Variants in LRP1 observed in about 807,000 individuals in gnomAD.
The protein encoded by LRP1 is prolow-density lipoprotein receptor-related protein 1.
In LRP1, 51 loss-of-function variants were observed where a neutral mutation model predicts 541.5. That is an observed-to-expected ratio of 0.09 (90% CI 0.08 to 0.12). The LOEUF (loss-of-function observed/expected upper bound fraction) is 0.12, where lower values mean the gene tolerates loss of function less well. Among genes scored for constraint, LRP1 ranks in the 10% least tolerant of loss-of-function variants. LRP1 has a pLI of 1.00. For missense variants in LRP1, 3,878 were observed against 6,376.2 expected, an observed-to-expected ratio of 0.61 and a Z score of 13.34; for synonymous variants, 2,219 against 2,470.8, an observed-to-expected ratio of 0.90 and a Z score of 3.02.
chr12:57,163,453 C>T (rs893488115), intron 15 of LRP1, among the ~76,000 whole-genome samples: 1 of 151,984 alleles, frequency 6.6e-6, no homozygotes, highest in African/African-American at 2.4e-5. Context: ...GTGGCAGGTG[C>T]CTGTAATCCT....
chr12:57,192,988 G>C lies in LRP1; in HGVS notation c.7555+18G>C. ...CTGCCGAGGTGAGAGAGGCGGGGGGGAGGGGCTGGCGGGGAACCCAAGCAC... is the reference window on the plus strand; with the variant it reads ...CTGCCGAGGTGAGAGAGGCGGGGGGCAGGGGCTGGCGGGGAACCCAAGCAC... On this transcript the variant is annotated intron_variant, in intron 45 of 88. Coordinates refer to ENST00000243077, the MANE Select transcript of LRP1 (RefSeq NM_002332.3). The C allele has an allele frequency of 6.2e-7, 1 of 1,610,426 alleles. No homozygotes were observed. The highest frequency in any genetic ancestry group is 2.2e-5 in the East Asian group (1 of 44,878).
At position 57,181,309 on chromosome 12, in the gene LRP1, C is replaced by T; in HGVS notation, c.5662+18C>T. On this transcript the variant is annotated intron_variant, in intron 34 of 88. Coordinates refer to ENST00000243077, the MANE Select transcript of LRP1 (RefSeq NM_002332.3). The stretch of plus-strand genomic sequence containing the variant: ...CTGCGAGGGTCAGTGCCTGGCTTTC[C>T]TCCCAGCCTTGTCCCAGCTCCCCAA... The T allele has an allele frequency of 1.2e-6, 2 of 1,604,086 alleles. No homozygotes were observed. The highest frequency in any genetic ancestry group is 1.7e-6 in the Non-Finnish European group (2 of 1,176,508).
Position 57,208,132 on chromosome 12 carries a change from C to A in LRP1, c.11954C>A (p.Ala3985Glu). The A allele has an allele frequency of 6.2e-7, 1 of 1,614,186 alleles. No individual in the cohort carries two copies. Among genetic ancestry groups the A allele is most frequent in the Non-Finnish European group, 8.5e-7 (1 of 1,180,046 alleles). The change falls in exon 77 of 89, where the codon GCG becomes GAG. Residue 3985 changes from alanine to glutamate, a missense_variant. By Grantham distance (107) the Ala-to-Glu change is moderately radical. Coordinates refer to ENST00000243077, the MANE Select transcript of LRP1 (RefSeq NM_002332.3). ...TCGGGCCGAGATGTGATTGAGGTGGCGCAGATGAAGGGCGAGAACCGCAAG... is the reference window on the plus strand; with the variant it reads ...TCGGGCCGAGATGTGATTGAGGTGGAGCAGATGAAGGGCGAGAACCGCAAG... ...TDSGRDVIEV[A>E]QMKGENRKTL...
intron 44 of LRP1, among the ~76,000 whole-genome samples, chr12:57,192,417 T>C (rs2036433036): frequency 6.6e-6 from 1 of 152,076 alleles, no homozygotes; most frequent in African/African-American, 2.4e-5. Context: ...TCTCCTCACT[T>C]GGAGCCACAC....
At chr12:57,140,571 C>A (rs1212112839) in intron 2 of LRP1, among the ~76,000 whole-genome samples, 1 of 152,270 alleles carries the variant, frequency 6.6e-6, no homozygotes, top group East Asian at 1.9e-4. Context: ...TGCTTGATAG[C>A]CACATGTGAC....
In LRP1 at chr12:57,179,276, G is replaced by T; in HGVS notation, c.4739-53G>T. On this transcript the variant is annotated intron_variant, in intron 28 of 88. Coordinates refer to ENST00000243077, the MANE Select transcript of LRP1 (RefSeq NM_002332.3). This position sits in a 1 kb window ranked among gnomAD's most constrained non-coding sequence, Gnocchi z 6.8. The stretch of plus-strand genomic sequence containing the variant: ...GAAGGCAGGGCCTGAAACCGGATTG[G>T]TGGGAAGCACAGAGGCAGGGACTGC... 7.0e-7 allele frequency: 1 copy of T among 1,425,138 alleles called. No homozygotes were observed. Among genetic ancestry groups the T allele is most frequent in the East Asian group, 2.3e-5 (1 of 42,884 alleles). The allele number at this position is 1,425,138 out of a possible 1,614,324, so 88.3% of individuals were successfully genotyped here. A position where few individuals can be genotyped will look rare whatever the true frequency, so the allele number is the denominator to read the frequency against.
chr12:57,141,293 C>T (rs2035285138), intron 2 of LRP1, 81 bp from the exon 3 acceptor site: 6 of 1,541,944 alleles, frequency 3.9e-6, no homozygotes, highest in African/African-American at 2.7e-5. Context: ...CCAGTTTTAT[C>T]TCCCCTCATC....
chr12:57,184,961 G>C lies in LRP1; in HGVS notation c.6309G>C (p.Val2103=), dbSNP rs763651628. The C allele has an allele frequency of 6.2e-7, 1 of 1,614,190 alleles. No homozygotes were observed. Among genetic ancestry groups the C allele is most frequent in the Non-Finnish European group, 8.5e-7 (1 of 1,180,010 alleles). Reference sequence around the variant, plus strand: ...ACATGGACATGTTTTCAGTGTCTGTGTTTGAGGATTTCATCTACTGGAGTG... The same window carrying C: ...ACATGGACATGTTTTCAGTGTCTGTCTTTGAGGATTTCATCTACTGGAGTG... ...SNNMDMFSVS[V]FEDFIYWSDR... is the part of the protein sequence containing the mutation. Residue 2103 remains valine, a synonymous_variant, in exon 39 of 89, where the codon GTG becomes GTC. Transcript: ENST00000243077. The surrounding 1 kb of genome is among the most constrained non-coding windows in gnomAD (Gnocchi z 7.8).
At chr12:57,207,829 C>T (rs960495525) in intron 76 of LRP1, among the ~76,000 whole-genome samples, 1 of 152,232 alleles carries the variant, frequency 6.6e-6, no homozygotes, top group Non-Finnish European at 1.5e-5. Flanking sequence ...AGGTGATCAT[C>T]GCCATTGCAC....
At chr12:57,181,665 G>A (rs889480274) in intron 34 of LRP1, among the ~76,000 whole-genome samples, 3 of 152,168 alleles carry the variant, frequency 2.0e-5, no homozygotes, top group South Asian at 2.1e-4. Flanking sequence ...TGAGCTAGGC[G>A]GGGCTCCTGT....
chr12:57,173,381 C>A lies in LRP1; in HGVS notation c.3346+31C>A. On this transcript the variant is annotated intron_variant, in intron 21 of 88. Transcript: ENST00000243077. The surrounding 1 kb of genome is among the most constrained non-coding windows in gnomAD (Gnocchi z 4.7). ...GAGGATGGTTGGAGGGCGTCTGGAACAGCACAATGTGGGCAGGAGGAGACC... is the reference window on the plus strand; with the variant it reads ...GAGGATGGTTGGAGGGCGTCTGGAAAAGCACAATGTGGGCAGGAGGAGACC... The A allele has an allele frequency of 6.2e-7, 1 of 1,603,412 alleles. No homozygotes were observed. Among genetic ancestry groups the A allele is most frequent in the Non-Finnish European group, 8.5e-7 (1 of 1,172,986 alleles).
At chr12:57,153,111 G>A (rs1029743678) in intron 6 of LRP1, among the ~76,000 whole-genome samples, 2 of 152,222 alleles carry the variant, frequency 1.3e-5, no homozygotes, top group Non-Finnish European at 2.9e-5. Flanking sequence ...TGGGGAAACT[G>A]TTGGAGATGG....
chr12:57,201,048 T>C lies in LRP1; in HGVS notation c.10240T>C (p.Leu3414=). The stretch of plus-strand genomic sequence containing the variant: ...TCCCTCCACAGACATCCACGTCTGC[T>C]TGCCCAGTCAGTTCAAATGCACCAA... ...DEANCDIHVC[L]PSQFKCTNTN... is the part of the protein sequence containing the mutation. Residue 3414 remains leucine, a synonymous_variant, in exon 65 of 89, where the codon TTG becomes CTG. Coordinates refer to ENST00000243077, the MANE Select transcript of LRP1 (RefSeq NM_002332.3). The surrounding 1 kb of genome is among the most constrained non-coding windows in gnomAD (Gnocchi z 6.4). 2 of 1,614,044 alleles carry C rather than the reference T, an allele frequency of 1.2e-6. No individual in the cohort carries two copies. Among genetic ancestry groups the C allele is most frequent in the Non-Finnish European group, 1.7e-6 (2 of 1,179,978 alleles).
intron 6 of LRP1, chr12:57,148,992 T>C: frequency 1.5e-6 from 1 of 661,430 alleles, no homozygotes; most frequent in African/African-American, 1.8e-5. Context: ...GTGTGTGTTT[T>C]CGAAATCACA....
At position 57,212,654 on chromosome 12, in the gene LRP1, C is replaced by G. The variant is rs766183852; in HGVS notation, c.*99C>G. 5.7e-6 allele frequency: 7 copies of G among 1,236,116 alleles called. No homozygotes were observed. Among genetic ancestry groups the G allele is most frequent in the Non-Finnish European group, 7.8e-6 (7 of 897,048 alleles). The allele number at this position is 1,236,116 out of a possible 1,614,324, so 76.6% of individuals were successfully genotyped here. ...CCAGCCAGCCCTTCCCTGGCCCCGC[C>G]GGATGTATAAATGTAAAAATGAAGG... On this transcript the variant is annotated 3_prime_UTR_variant, in exon 89 of 89. Transcript: ENST00000243077. The surrounding 1 kb of genome is among the most constrained non-coding windows in gnomAD (Gnocchi z 5.0).
At position 57,179,319 on chromosome 12, in the gene LRP1, T is replaced by C. The variant is rs1270266831; in HGVS notation, c.4739-10T>C. 3 of 1,602,910 alleles carry C rather than the reference T, an allele frequency of 1.9e-6. No homozygotes were observed. Among genetic ancestry groups the C allele is most frequent in the Non-Finnish European group, 2.6e-6 (3 of 1,170,370 alleles). On this transcript the variant is annotated splice_polypyrimidine_tract_variant and intron_variant, in intron 28 of 88. Transcript: ENST00000243077. The surrounding 1 kb of genome is among the most constrained non-coding windows in gnomAD (Gnocchi z 6.8). ...GGGACTGCCTTCAGTGACCAGCCCA[T>C]GCCCCACAGAGTTTAAGAAGTTCCT...
At position 57,154,244 on chromosome 12, in the gene LRP1, A is replaced by C. The variant is rs768736912; in HGVS notation, c.878A>C (p.Asn293Thr). The C allele has an allele frequency of 5.0e-6, 8 of 1,614,056 alleles. No homozygotes were observed. The highest frequency in any genetic ancestry group is 1.1e-5 in the South Asian group (1 of 91,082). The change falls in exon 7 of 89, where the codon AAC (asparagine) becomes ACC (threonine). Residue 293 changes from asparagine to threonine, a missense_variant. Asn to Thr is a moderately conservative substitution (Grantham distance 65). Coordinates refer to ENST00000243077, the MANE Select transcript of LRP1 (RefSeq NM_002332.3). This position sits in a 1 kb window ranked among gnomAD's most constrained non-coding sequence, Gnocchi z 4.6. ...EQMAIDWLTG[N>T]FYFVDDIDDR... ...ATGGCCATCGACTGGCTGACAGGCA[A>C]CTTCTACTTTGTGGATGACATCGAT...
intron 10 of LRP1, among the ~76,000 whole-genome samples, chr12:57,157,216 G>A (rs376450805): frequency 3.7e-4 from 56 of 152,348 alleles, no homozygotes; most frequent in Non-Finnish European, 6.0e-4. Flanking sequence ...ATTAAGCAGC[G>A]AACGAGATAG....
At position 57,197,766 on chromosome 12, in the gene LRP1, C is replaced by T. The variant is rs778577010; in HGVS notation, c.9282+102C>T. 34 of 1,365,378 alleles carry T rather than the reference C, an allele frequency of 2.5e-5. No homozygotes were observed. Among genetic ancestry groups the T allele is most frequent in the Non-Finnish European group, 3.3e-5 (33 of 990,748 alleles). The allele number at this position is 1,365,378 out of a possible 1,614,324, so 84.6% of individuals were successfully genotyped here. ...CCACCAACCCAAATTGCTTCCTTCTCACTCCACTAGTCACTATATGACTGC... is the reference window on the plus strand; with the variant it reads ...CCACCAACCCAAATTGCTTCCTTCTTACTCCACTAGTCACTATATGACTGC... On this transcript the variant is annotated intron_variant, in intron 58 of 88. Transcript: ENST00000243077. This position sits in a 1 kb window ranked among gnomAD's most constrained non-coding sequence, Gnocchi z 4.5.
Sources: gnomAD v4.1 joint callset for allele counts (sites outside exome capture counted in the v4.1 genomes callset) on GRCh38, gnomAD v4.1.1 for gene constraint, Gnocchi (gnomAD v3.1) non-coding constraint, MANE v1.5 for transcripts, NCBI Gene and HGNC (gene_info 2026-07-23, HGNC 2026-07-21) for gene names.